Variants in SNTG1 observed in about 807,000 individuals in gnomAD.
SNTG1 encodes the protein gamma-1-syntrophin.
In SNTG1, 39 loss-of-function variants were observed where a neutral mutation model predicts 74.7. That is an observed-to-expected ratio of 0.52 (90% CI 0.40 to 0.68). The LOEUF (loss-of-function observed/expected upper bound fraction) is 0.68, where lower values mean the gene tolerates loss of function less well. SNTG1 is among the 30% of genes least tolerant of loss of function. SNTG1 has a pLI of 0.00. For missense variants in SNTG1, 685 were observed against 609.5 expected (o/e 1.12, Z -1.30); for synonymous variants, 254 against 217.1 (o/e 1.17, Z -1.49).
chr8:50,322,768 G>A (rs1326409809), intron 2 of SNTG1, among the ~76,000 whole-genome samples: 1 of 151,394 alleles, frequency 6.6e-6, no homozygotes, highest in Non-Finnish European at 1.5e-5. Context: ...TTTTCAAATA[G>A]CCTGTCTTCA....
intron 2 of SNTG1, among the ~76,000 whole-genome samples, chr8:50,344,313 T>G (rs1419913563): frequency 6.6e-6 from 1 of 152,164 alleles, no homozygotes; most frequent in Non-Finnish European, 1.5e-5. Context: ...GAAGATTTAT[T>G]TAGCTCAGAG....
intron 13 of SNTG1, among the ~76,000 whole-genome samples, chr8:50,627,902 A>G (rs957381061): frequency 6.6e-5 from 10 of 152,142 alleles, no homozygotes; most frequent in African/African-American, 2.4e-4. Flanking sequence ...TGGAGACTGC[A>G]TTACATAGGC....
At chr8:50,357,759 AG>A (rs2091858285) in intron 2 of SNTG1, among the ~76,000 whole-genome samples, 1 of 152,212 alleles carries the variant, frequency 6.6e-6, no homozygotes, top group Non-Finnish European at 1.5e-5. Context: ...GTGCCTTTAA[AG>A]AATATAAAGT....
intron 1 of SNTG1, among the ~76,000 whole-genome samples, chr8:49,956,139 C>G (rs1182081215): frequency 6.6e-6 from 1 of 152,180 alleles, no homozygotes; most frequent in East Asian, 1.9e-4. Context: ...AAATTCTGAT[C>G]TGGGTTACTT....
chr8:50,717,999 T>C (rs2048210), intron 17 of SNTG1, among the ~76,000 whole-genome samples: 143,061 of 152,242 alleles, frequency 0.94, 67,259 homozygotes, highest in East Asian at 1. Context: ...TCCTTAGGGT[T>C]TGTGCTTTTG....
intron 13 of SNTG1, among the ~76,000 whole-genome samples, chr8:50,600,707 T>C (rs1270286727): frequency 6.6e-6 from 1 of 152,090 alleles, no homozygotes; most frequent in Non-Finnish European, 1.5e-5. Context: ...GGTAAAGGTT[T>C]GTCAATATTA....
At chr8:50,503,661 C>T (rs978251381) in intron 9 of SNTG1, among the ~76,000 whole-genome samples, 1 of 151,918 alleles carries the variant, frequency 6.6e-6, no homozygotes, top group Non-Finnish European at 1.5e-5. Context: ...GAATAATTTC[C>T]TTCAGATTCA....
chr8:50,316,390 A>G (rs2090319649), intron 2 of SNTG1, among the ~76,000 whole-genome samples: 1 of 152,166 alleles, frequency 6.6e-6, no homozygotes, highest in African/African-American at 2.4e-5. Context: ...TGAATTTAGA[A>G]CACGTCTGTC....
At chr8:50,328,705 G>A (rs1296926800) in intron 2 of SNTG1, among the ~76,000 whole-genome samples, 1 of 152,144 alleles carries the variant, frequency 6.6e-6, no homozygotes, top group Non-Finnish European at 1.5e-5. Flanking sequence ...ATTTTATAAT[G>A]TGAGGTGAGA....
chr8:49,911,060 T>A (rs1805553904), upstream of SNTG1: 1 of 152,262 alleles, frequency 6.6e-6, no homozygotes, highest in African/African-American at 2.4e-5. Context: ...CGAGTGCAGA[T>A]GCTTTTTCCT....
At chr8:50,549,514 C>T (rs1466227740) in intron 11 of SNTG1, among the ~76,000 whole-genome samples, 2 of 152,052 alleles carry the variant, frequency 1.3e-5, no homozygotes, top group Non-Finnish European at 2.9e-5. Context: ...ATCCTTCACC[C>T]CACAGAGAGA....
At chr8:50,712,949 T>G (rs1333256335) in intron 17 of SNTG1, among the ~76,000 whole-genome samples, 1 of 152,226 alleles carries the variant, frequency 6.6e-6, no homozygotes, top group Non-Finnish European at 1.5e-5. Context: ...TTGTAAATAG[T>G]GCTGCAATAA....
In SNTG1 at chr8:50,778,879, T is replaced by C. The variant is rs567290896; in HGVS notation, c.1396-13792T>C. Reference sequence around the variant, plus strand: ...TTAATCCATCTTGAATTAATTTTTGTATAAGGTGTAAGGAAGGGATCCAGT... The same window carrying C: ...TTAATCCATCTTGAATTAATTTTTGCATAAGGTGTAAGGAAGGGATCCAGT... On this transcript the variant is annotated intron_variant, in intron 18 of 18. Coordinates refer to ENST00000642720, the MANE Select transcript of SNTG1 (RefSeq NM_018967.5). Among the ~76,000 whole-genome samples the C allele has an allele frequency of 3.7e-3, 564 of 152,236 alleles. 4 individuals carry two copies. Among genetic ancestry groups the C allele is most frequent in the African/African-American group, 0.013 (522 of 41,492 alleles).
chr8:49,952,990 C>T (rs1233108361), intron 1 of SNTG1, among the ~76,000 whole-genome samples: 1 of 152,124 alleles, frequency 6.6e-6, no homozygotes, highest in Non-Finnish European at 1.5e-5. Flanking sequence ...TTGTTGCCTT[C>T]CATGCAGAGA....
At chr8:50,306,152 A>G (rs2089888208) in intron 2 of SNTG1, among the ~76,000 whole-genome samples, 1 of 147,610 alleles carries the variant, frequency 6.8e-6, no homozygotes, top group Non-Finnish European at 1.5e-5. Flanking sequence ...ACAGTATTTG[A>G]TTTTCCATTT....
chr8:50,472,224 C>A (rs1340363074), intron 8 of SNTG1, among the ~76,000 whole-genome samples: 1 of 151,958 alleles, frequency 6.6e-6, no homozygotes, highest in African/African-American at 2.4e-5. Flanking sequence ...GCAAGAGACA[C>A]CAAAGAGCAA....
intron 5 of SNTG1, among the ~76,000 whole-genome samples, chr8:50,442,310 G>C (rs1316500620): frequency 6.6e-6 from 1 of 152,128 alleles, no homozygotes; most frequent in African/African-American, 2.4e-5. Flanking sequence ...AATATAATGA[G>C]ATGAAATTTG....
At position 50,150,023 on chromosome 8, in the gene SNTG1, T is replaced by C. The variant is rs560999456; in HGVS notation, c.-102-22538T>C. ...TCACGATATTGATTTTTCCTATCCA[T>C]GACCATGGAATGTTCTTCCGTTTGT... On this transcript the variant is annotated intron_variant, in intron 1 of 18. Coordinates refer to ENST00000642720, the MANE Select transcript of SNTG1 (RefSeq NM_018967.5). Among the ~76,000 whole-genome samples the C allele has an allele frequency of 1.5e-3, 223 of 152,284 alleles. 1 individual carries two copies. The highest frequency in any genetic ancestry group is 5.1e-3 in the African/African-American group (213 of 41,540).
At chr8:50,677,360 T>C (rs1386428254) in intron 15 of SNTG1, among the ~76,000 whole-genome samples, 3 of 151,994 alleles carry the variant, frequency 2.0e-5, no homozygotes, top group Non-Finnish European at 4.4e-5. Flanking sequence ...ACATCTTCCA[T>C]AATAATATCT....
Sources: gnomAD v4.1 joint callset for allele counts (sites outside exome capture counted in the v4.1 genomes callset) on GRCh38, gnomAD v4.1.1 for gene constraint, MANE v1.5 for transcripts, NCBI Gene and HGNC (gene_info 2026-07-23, HGNC 2026-07-21) for gene names.